The following CCND3 variants were observed in gnomAD, a reference collection of about 807,000 sequenced individuals.
CCND3 encodes G1/S-specific cyclin-D3.
CCND3 carries 9 observed loss-of-function variants against 28.7 expected under a neutral mutation model. The observed-to-expected ratio is 0.31, with a 90% CI of 0.19 to 0.55. The LOEUF is 0.55. CCND3 is among the 20% of genes least tolerant of loss of function. The probability of loss-of-function intolerance (pLI) is 0.93; values close to 1 mark genes in which losing one functional copy is unlikely to be tolerated. For missense variants in CCND3, 315 were observed against 385.8 expected, an observed-to-expected ratio of 0.82 and a Z score of 1.54; for synonymous variants, 164 against 163.9, an observed-to-expected ratio of 1.00 and a Z score of 0.00.
chr6:41,953,353 C>A (rs1432971677), intron 1 of CCND3, among the ~76,000 whole-genome samples: 2 of 151,684 alleles, frequency 1.3e-5, no homozygotes, highest in Admixed American at 6.6e-5. Context: ...TATATATACA[C>A]AACTGGGCAA....
upstream of CCND3, chr6:41,941,862 A>G (rs930577002): frequency 2.4e-5 from 6 of 249,502 alleles, no homozygotes; most frequent in Admixed American, 1.1e-4. The surrounding 1 kb of genome is among the most constrained non-coding windows in gnomAD (Gnocchi z 6.1). Context: ...CGGACGTCGC[A>G]ACGCTCCGAG....
rs1419810539 is a variant in CCND3, at chr6:41,940,397, G to A, written c.387C>T (p.Asp129=). ...LTIEKLCIYT[D]HAVSPRQLRD... is the part of the protein sequence containing the mutation. The stretch of plus-strand genomic sequence containing the variant: ...GCAACTGGCGGGGAGAGACAGCGTG[G>A]TCGGTGTAGATGCACAGTTTTTCGA... The change falls in exon 2 of 5, where the codon GAC becomes GAT. Residue 129 remains aspartate (D), a synonymous_variant. Coordinates refer to ENST00000372991, the MANE Select transcript of CCND3 (RefSeq NM_001760.5). The A allele has an allele frequency of 6.2e-7, 1 of 1,614,154 alleles. No individual in the cohort carries two copies. The highest frequency in any genetic ancestry group is 2.2e-5 in the East Asian group (1 of 44,876).
At chr6:42,039,552 CAGCTGCT>C (rs903363571) in intron 1 of CCND3, among the ~76,000 whole-genome samples, 16 of 152,342 alleles carry the variant, frequency 1.1e-4, no homozygotes, top group African/African-American at 3.8e-4. Flanking sequence ...CTTACGCTCT[CAGCTGCT>C]GGCCTAATCG....
chr6:42,043,873 G>A lies in CCND3; in HGVS notation c.-46+4628C>T, dbSNP rs182429708. The stretch of plus-strand genomic sequence containing the variant: ...ACCCCTCAGCCCTCACCTCAGGAAC[G>A]ACTGTCCTGGGGAATTTCACCCAGG... On this transcript the variant is annotated intron_variant, in intron 1 of 4. Coordinates refer to the CCND3 transcript ENST00000372988. 9.7e-3 allele frequency among the ~76,000 whole-genome samples: 1,481 copies of A among 152,300 alleles called. 11 individuals carry two copies. Among genetic ancestry groups the A allele is most frequent in the Non-Finnish European group, 0.016 (1,073 of 68,016 alleles).
intron 1 of CCND3, among the ~76,000 whole-genome samples, chr6:41,948,660 A>G (rs1401707116): frequency 2.0e-5 from 3 of 151,932 alleles, no homozygotes; most frequent in Non-Finnish European, 2.9e-5. Context: ...AACATGGTGA[A>G]ACCCCGTCTC....
chr6:41,965,381 T>C (rs1386236225), intron 1 of CCND3, among the ~76,000 whole-genome samples: 1 of 152,028 alleles, frequency 6.6e-6, no homozygotes, highest in African/African-American at 2.4e-5. Context: ...ATAGGTAACT[T>C]CTAAGACCCA....
intron 1 of CCND3, among the ~76,000 whole-genome samples, chr6:42,039,717 G>C (rs1351849756): frequency 2.0e-5 from 3 of 152,214 alleles, no homozygotes; most frequent in African/African-American, 2.4e-5. Context: ...CCCCAGATAG[G>C]TTAGGGCCCA....
At chr6:42,011,466 T>C (rs12530094) in intron 1 of CCND3, among the ~76,000 whole-genome samples, 16,400 of 152,122 alleles carry the variant, frequency 0.11, 1,773 homozygotes, top group African/African-American at 0.26. Flanking sequence ...GTCACTCCAC[T>C]AGAGATTTTG....
At chr6:42,025,669 G>A (rs1461326593) in intron 1 of CCND3, among the ~76,000 whole-genome samples, 1 of 152,216 alleles carries the variant, frequency 6.6e-6, no homozygotes, top group Non-Finnish European at 1.5e-5. Context: ...GCTCAGAGGT[G>A]AGGGCCTATC....
intron 1 of CCND3, among the ~76,000 whole-genome samples, chr6:42,040,710 GGT>G (rs1205900771): frequency 6.6e-6 from 1 of 151,908 alleles, no homozygotes; most frequent in Non-Finnish European, 1.5e-5. Context: ...AATTTAGCTG[GGT>G]GTGGTGGTGG....
At chr6:41,937,444 A>T (rs764555870) in intron 2 of CCND3, 50 bp from the exon 3 acceptor site, 2 of 1,606,544 alleles carry the variant, frequency 1.2e-6, no homozygotes, top group Admixed American at 3.3e-5. Flanking sequence ...AGTGAAGAGG[A>T]GGGAGCAAAG....
chr6:41,936,469 T>C lies in CCND3; in HGVS notation c.711+90A>G. On this transcript the variant is annotated intron_variant, in intron 4 of 4. Coordinates refer to ENST00000372991, the MANE Select transcript of CCND3 (RefSeq NM_001760.5). The surrounding 1 kb of genome is among the most constrained non-coding windows in gnomAD (Gnocchi z 4.4). ...TGTGAAACCAGGACTTGGGACCAGG[T>C]TGGGGTTGGAGGTTTCCCTCTACTG... 1 of 1,445,486 alleles carries C rather than the reference T, an allele frequency of 6.9e-7. No individual in the cohort carries two copies. Among genetic ancestry groups the C allele is most frequent in the South Asian group, 1.2e-5 (1 of 80,102 alleles). 89.5% of individuals were successfully genotyped at this position (1,445,486 alleles called of 1,614,324 possible). A position where few individuals can be genotyped will look rare whatever the true frequency, so the allele number is the denominator to read the frequency against.
chr6:41,945,890 A>G (rs1776154622), upstream of CCND3, among the ~76,000 whole-genome samples: 1 of 152,224 alleles, frequency 6.6e-6, no homozygotes, highest in African/African-American at 2.4e-5. Flanking sequence ...TGAAATGATT[A>G]TTATTATTCC....
chr6:41,957,519 G>A (rs937479424), intron 1 of CCND3, among the ~76,000 whole-genome samples: 1 of 152,230 alleles, frequency 6.6e-6, no homozygotes, highest in Non-Finnish European at 1.5e-5. Flanking sequence ...GGAATTGAAA[G>A]ATCACAGAAA....
chr6:41,948,619 A>G (rs1776228430), intron 1 of CCND3, among the ~76,000 whole-genome samples: 1 of 152,030 alleles, frequency 6.6e-6, no homozygotes, highest in Non-Finnish European at 1.5e-5. Flanking sequence ...CAGGCAGATC[A>G]CTAGGTCAGG....
At chr6:41,963,299 G>A (rs1761771810) in intron 1 of CCND3, among the ~76,000 whole-genome samples, 1 of 152,220 alleles carries the variant, frequency 6.6e-6, no homozygotes, top group South Asian at 2.1e-4. Context: ...TGGCTTGAAG[G>A]AAGCTCTTGA....
At chr6:41,955,650 A>AT in intron 1 of CCND3, among the ~76,000 whole-genome samples, 1 of 108,584 alleles carries the variant, frequency 9.2e-6, no homozygotes, top group Admixed American at 1.1e-4. Context: ...CCCTATCTCT[A>AT]CAAAAAAAAA....
At chr6:42,047,954 C>T (rs1764593416) in intron 1 of CCND3, 1 of 152,466 alleles carries the variant, frequency 6.6e-6, no homozygotes, top group Admixed American at 6.5e-5. Context: ...TAATGCCAGG[C>T]ACATAGTAGG....
At chr6:42,018,840 G>A (rs1037591689) in intron 1 of CCND3, among the ~76,000 whole-genome samples, 8 of 149,514 alleles carry the variant, frequency 5.4e-5, no homozygotes, top group East Asian at 2.0e-4. Flanking sequence ...GTGGTGAGCC[G>A]AGATCGTGCC....
Sources: allele counts gnomAD v4.1 joint callset (sites outside exome capture counted in the v4.1 genomes callset), GRCh38; gene constraint gnomAD v4.1.1; non-coding constraint Gnocchi (gnomAD v3.1); transcripts MANE v1.5; gene names NCBI Gene and HGNC (gene_info 2026-07-23, HGNC 2026-07-21).